DCHS2: variants seen among roughly 807,000 people sequenced by gnomAD.
DCHS2 encodes the protein protocadherin-23.
A neutral mutation model predicts 182.4 loss-of-function variants in DCHS2; 142 were observed. That is an observed-to-expected ratio of 0.78 (90% confidence interval 0.68 to 0.89). The LOEUF is 0.89. DCHS2 is among the 40% of genes least tolerant of loss of function. The pLI is 0.00. For missense variants in DCHS2, 4,319 were observed against 4,198.6 expected, an observed-to-expected ratio of 1.03 and a Z score of -0.79; for synonymous variants, 1,740 against 1,663.3, an observed-to-expected ratio of 1.05 and a Z score of -1.12.
At position 154,339,888 on chromosome 4, in the gene DCHS2, A is replaced by G. The variant is rs377368633; in HGVS notation, c.2477-4784T>C. ...CATATACGATGTGTATACACACAGA[A>G]CTATGCATACTGAAAAATATGAAAG... On this transcript the variant is annotated intron_variant, in intron 3 of 19. Transcript: ENST00000357232. Among the ~76,000 whole-genome samples the G allele has an allele frequency of 1.1e-4, 17 of 152,352 alleles. No individual in the cohort carries two copies. In the East Asian group the frequency reaches 1.2e-3, roughly 10 times the overall value.
intron 1 of DCHS2, among the ~76,000 whole-genome samples, chr4:154,416,366 C>CATT (rs1295625824): frequency 4.6e-5 from 7 of 152,216 alleles, no homozygotes; most frequent in African/African-American, 1.4e-4. Context: ...ATCCCAGGAT[C>CATT]ATTAGCAGCT....
At chr4:154,463,692 T>TTTTTTTTCTCTCTC (rs1011716388) in intron 1 of DCHS2, among the ~76,000 whole-genome samples, 16 of 145,266 alleles carry the variant, frequency 1.1e-4, no homozygotes, top group African/African-American at 4.1e-4. Context: ...ATTCTCTCTT[T>TTTTTTTTCTCTCTC]TCTCTCTCTC....
intron 10 of DCHS2, among the ~76,000 whole-genome samples, chr4:154,307,379 A>G (rs1275637648): frequency 6.6e-6 from 1 of 152,106 alleles, no homozygotes; most frequent in South Asian, 2.1e-4. Context: ...CTGTGTATAT[A>G]TGCCCATACC....
chr4:154,274,276 A>G lies in DCHS2; in HGVS notation c.6464-4263T>C, dbSNP rs955161148. On this transcript the variant is annotated intron_variant, in intron 13 of 19. Coordinates refer to ENST00000357232, the MANE Select transcript of DCHS2 (RefSeq NM_001358235.2). ...TTGGAAAATAATTTAATTTATGGGG[A>G]AAAACCCCACTATATTGGTTGAACA... Among the ~76,000 whole-genome samples the G allele has an allele frequency of 3.3e-5, 5 of 152,298 alleles. No homozygotes were observed. The South Asian group carries it at 8.3e-4, about 25-fold the overall frequency.
rs200454462 is a variant in DCHS2, at chr4:154,233,717, GAAA to G, written c.*816_*818del. ...CACACCTACTTATAAGACAAGACCT[GAAA>G]AAAAAGCCATTCTGTTTGTAAAGAA... On this transcript the variant is annotated 3_prime_UTR_variant, in exon 20 of 20. Coordinates refer to ENST00000357232, the MANE Select transcript of DCHS2 (RefSeq NM_001358235.2). The G allele has an allele frequency of 6.6e-6, 1 of 151,492 alleles. No individual in the cohort carries two copies. The highest frequency in any genetic ancestry group is 2.4e-5 in the African/African-American group (1 of 41,248). The allele number at this position is 151,492 out of a possible 1,614,324, so 9.4% of individuals were successfully genotyped here.
In DCHS2 at chr4:154,489,978, C is replaced by T. The variant is rs1431617699; in HGVS notation, c.1378G>A (p.Val460Met). 2.6e-6 allele frequency: 4 copies of T among 1,549,384 alleles called. No individual in the cohort carries two copies. The highest frequency in any genetic ancestry group is 3.5e-6 in the Non-Finnish European group (4 of 1,146,110). Residue 460 changes from valine to methionine, a missense_variant, in exon 1 of 20, where the codon GTG (valine) becomes ATG (methionine). Physicochemically the swap from Val to Met is conservative, Grantham distance 21 (BLOSUM62 1). Coordinates refer to ENST00000357232, the MANE Select transcript of DCHS2 (RefSeq NM_001358235.2). Reference protein sequence around the residue: ...KEDEATGELGVGLGDGSISLS... With the variant: ...KEDEATGELGMGLGDGSISLS... ...GAGATGCTCCCGTCTCCAAGACCCA[C>T]ACCAAGCTCCCCTGTGGCCTCATCT... is the stretch of plus-strand genomic sequence containing the variant.
intron 1 of DCHS2, among the ~76,000 whole-genome samples, chr4:154,451,368 A>G (rs1734527098): frequency 6.6e-6 from 1 of 152,176 alleles, no homozygotes; most frequent in Non-Finnish European, 1.5e-5. Flanking sequence ...GCTCATCATG[A>G]ACAGGATGTT....
intron 13 of DCHS2, among the ~76,000 whole-genome samples, chr4:154,293,118 G>A (rs565398976): frequency 8.5e-5 from 13 of 152,286 alleles, no homozygotes; most frequent in African/African-American, 3.1e-4. Flanking sequence ...TCGCATGGGA[G>A]CTTCTACAAA....
chr4:154,350,964 C>A (rs1012011069), intron 3 of DCHS2, among the ~76,000 whole-genome samples: 2 of 152,030 alleles, frequency 1.3e-5, no homozygotes, highest in African/African-American at 4.8e-5. Flanking sequence ...GAAGGGATGG[C>A]CAGAGGTTCA....
Position 154,310,538 on chromosome 4 carries a change from A to G in DCHS2, c.5260+5210T>C, listed in dbSNP as rs370358668. 1.4e-3 allele frequency among the ~76,000 whole-genome samples: 206 copies of G among 152,318 alleles called. No individual in the cohort carries two copies. The South Asian group carries it at 0.021, about 15-fold the overall frequency. On this transcript the variant is annotated intron_variant, in intron 10 of 19. Coordinates refer to ENST00000357232, the MANE Select transcript of DCHS2 (RefSeq NM_001358235.2). ...CCAAACACTCCCACTACCTTTCCCA[A>G]GAGATCAGAGGACCCTACCTTCATA... is the stretch of plus-strand genomic sequence containing the variant.
chr4:154,480,868 C>A (rs1378395117), intron 1 of DCHS2, among the ~76,000 whole-genome samples: 1 of 151,836 alleles, frequency 6.6e-6, no homozygotes, highest in Admixed American at 6.6e-5. Context: ...GCCTCAAGCA[C>A]TCACCAACAG....
intron 1 of DCHS2, among the ~76,000 whole-genome samples, chr4:154,386,762 C>T (rs1731440041): frequency 2.0e-5 from 3 of 152,078 alleles, no homozygotes; most frequent in Non-Finnish European, 2.9e-5. Context: ...GATACAAGCA[C>T]GTTTAAGAAA....
chr4:154,266,617 C>CT (rs1733276442), intron 14 of DCHS2, among the ~76,000 whole-genome samples: 1 of 148,412 alleles, frequency 6.7e-6, no homozygotes, highest in South Asian at 2.1e-4. Context: ...GATCATGCCA[C>CT]TGCACTTCAG....
chr4:154,417,204 T>TGAGAGAGAGAGAGAGAGA lies in DCHS2; in HGVS notation c.2053-39778_2053-39761dup, dbSNP rs70947163. On this transcript the variant is annotated intron_variant, in intron 1 of 19. Transcript: ENST00000357232. Reference sequence around the variant, plus strand: ...GTGTGTGTGTGTGTGTGTGTGTGTGTGAGAGAGAGAGAGAGAGAGAGAGAG... The same window carrying TGAGAGAGAGAGAGAGAGA: ...GTGTGTGTGTGTGTGTGTGTGTGTGTGAGAGAGAGAGAGAGAGAGAGAGAGAGAGAGAGAGAGAGAGAG... Among the ~76,000 whole-genome samples, 69 of 39,482 alleles carry TGAGAGAGAGAGAGAGAGA rather than the reference T, an allele frequency of 1.7e-3. 6 individuals are homozygous for TGAGAGAGAGAGAGAGAGA. Among genetic ancestry groups the TGAGAGAGAGAGAGAGAGA allele is most frequent in the East Asian group, 0.01 (6 of 598 alleles). The allele number at this position is 39,482 out of a possible 152,430, so 25.9% of individuals were successfully genotyped here. A position where few individuals can be genotyped will look rare whatever the true frequency, so the allele number is the denominator to read the frequency against.
intron 14 of DCHS2, chr4:154,261,954 C>T (rs1733004727): frequency 6.6e-6 from 1 of 152,092 alleles, no homozygotes; most frequent in Non-Finnish European, 1.5e-5. Context: ...AGGCTGATTC[C>T]CACACCCCGA....
At chr4:154,374,125 C>T in intron 2 of DCHS2, 2 of 590,080 alleles carry the variant, frequency 3.4e-6, no homozygotes, top group South Asian at 4.6e-5. Context: ...GCTTTCCAGG[C>T]TGTGGTGGTG....
At chr4:154,416,492 AG>A in intron 1 of DCHS2, among the ~76,000 whole-genome samples, 1 of 152,206 alleles carries the variant, frequency 6.6e-6, no homozygotes, top group Admixed American at 6.5e-5. Context: ...TTAAATCTTC[AG>A]GCTCCCTGAG....
intron 2 of DCHS2, chr4:154,374,457 T>C (rs1730795392): frequency 6.6e-6 from 1 of 152,354 alleles, no homozygotes; most frequent in African/African-American, 2.4e-5. Context: ...TGTGCATCTA[T>C]TGGGCTTCAA....
At chr4:154,407,980 C>T (rs547747375) in intron 1 of DCHS2, among the ~76,000 whole-genome samples, 1 of 152,252 alleles carries the variant, frequency 6.6e-6, no homozygotes, top group South Asian at 2.1e-4. Context: ...CCACCCACCC[C>T]AAGTACCGTC....
Sources: allele counts gnomAD v4.1 joint callset (sites outside exome capture counted in the v4.1 genomes callset), GRCh38; gene constraint gnomAD v4.1.1; transcripts MANE v1.5; gene names NCBI Gene and HGNC (gene_info 2026-07-23, HGNC 2026-07-21).